Variants in ELN observed in about 807,000 individuals in gnomAD.
ELN encodes the protein elastin, also known as tropoelastin.
ELN carries 65 observed loss-of-function variants against 105.8 expected under a neutral mutation model. That is an observed-to-expected ratio of 0.61 (90% CI 0.50 to 0.75). ELN has a LOEUF of 0.75. Among genes scored for constraint, ELN ranks in the 30% least tolerant of loss-of-function variants. The pLI is 0.00. For missense variants in ELN, 882 were observed against 969.4 expected (o/e 0.91, Z 1.20); for synonymous variants, 368 against 389.2 (o/e 0.95, Z 0.64).
intron 10 of ELN, among the ~76,000 whole-genome samples, chr7:74,045,604 A>G (rs1432294720): frequency 6.6e-6 from 1 of 152,084 alleles, no homozygotes; most frequent in Non-Finnish European, 1.5e-5. Flanking sequence ...TTAGCCGGAC[A>G]TGGTCACACA....
At position 74,061,134 on chromosome 7, in the gene ELN, A is replaced by G. The variant is rs782679448; in HGVS notation, c.1781A>G (p.Lys594Arg). Residue 594 changes from lysine (K) to arginine (R), a missense_variant, in exon 26 of 33, where the codon AAA (lysine) becomes AGA (arginine). Coordinates refer to ENST00000252034, the MANE Select transcript of ELN (RefSeq NM_000501.4). ...GCCCTGGCTGCCGCTAAAGCAGCCA[A>G]ATATGGTGAGTGCACCCCACAACCA... Reference protein sequence around the residue: ...PGALAAAKAAKYGAAVPGVLG... With the variant: ...PGALAAAKAARYGAAVPGVLG... 9.3e-6 allele frequency: 15 copies of G among 1,614,152 alleles called. No homozygotes were observed. Among genetic ancestry groups the G allele is most frequent in the Non-Finnish European group, 1.2e-5 (14 of 1,180,036 alleles).
intron 19 of ELN, 103 bp downstream of exon 19, chr7:74,054,872 C>T: frequency 7.5e-7 from 1 of 1,334,526 alleles, no homozygotes; most frequent in Non-Finnish European, 1.1e-6. Flanking sequence ...GTGACTTGCC[C>T]AAGGTCACCG....
chr7:74,053,351 T>C, intron 18 of ELN, 42 bp downstream of exon 18: 1 of 1,603,292 alleles, frequency 6.2e-7, no homozygotes, highest in African/African-American at 1.3e-5. Context: ...TGTGTGTGTG[T>C]GTGTGTGTAT....
chr7:74,056,599 G>A, intron 20 of ELN, 73 bp from the exon 21 acceptor site: 1 of 1,611,620 alleles, frequency 6.2e-7, no homozygotes, highest in East Asian at 2.2e-5. Context: ...CAGGGCAGAA[G>A]AGCTTTAAAC....
At chr7:74,067,888 ACT>A (rs1798298335) in intron 32 of ELN, among the ~76,000 whole-genome samples, 1 of 137,956 alleles carries the variant, frequency 7.2e-6, no homozygotes, top group African/African-American at 2.8e-5. Flanking sequence ...AGACTACACC[ACT>A]GCCCTCTAGC....
intron 26 of ELN, chr7:74,062,093 A>G (rs1796814176): frequency 2.6e-5 from 4 of 152,332 alleles, no homozygotes; most frequent in Admixed American, 2.6e-4. Flanking sequence ...GGCCAGACCC[A>G]CGCTGTCTGT....
intron 29 of ELN, among the ~76,000 whole-genome samples, chr7:74,064,285 G>T (rs1264244832): frequency 3.3e-5 from 5 of 151,590 alleles, no homozygotes; most frequent in Non-Finnish European, 5.9e-5. Flanking sequence ...CGTGGTGGCA[G>T]ACGCCTGTAG....
At position 74,051,933 on chromosome 7, in the gene ELN, C is replaced by G; in HGVS notation, c.899C>G (p.Thr300Ser). The change falls in exon 17 of 33, where the codon ACT (threonine) becomes AGT (serine). Residue 300 changes from threonine to serine, a missense_variant. Coordinates refer to ENST00000252034, the MANE Select transcript of ELN (RefSeq NM_000501.4). ...PGIGGIAGVG[T>S]PAAAAAAAAA... is the part of the protein sequence containing the mutation. ...GTGGCTGTGTTTTCAGGCGTTGGGACTCCAGCTGCAGCTGCAGCTGCAGCA... is the reference window on the plus strand; with the variant it reads ...GTGGCTGTGTTTTCAGGCGTTGGGAGTCCAGCTGCAGCTGCAGCTGCAGCA... 1.2e-6 allele frequency: 2 copies of G among 1,613,798 alleles called. No homozygotes were observed. The highest frequency in any genetic ancestry group is 1.7e-6 in the Non-Finnish European group (2 of 1,180,020).
At chr7:74,036,310 T>C (rs903519853) in intron 2 of ELN, among the ~76,000 whole-genome samples, 1 of 151,322 alleles carries the variant, frequency 6.6e-6, no homozygotes, top group African/African-American at 2.4e-5. Flanking sequence ...AATTAAAAAA[T>C]TAAAAAAAGC....
At chr7:74,040,761 G>A (rs1242722819) in intron 4 of ELN, among the ~76,000 whole-genome samples, 2 of 152,110 alleles carry the variant, frequency 1.3e-5, no homozygotes, top group African/African-American at 4.8e-5. Context: ...TGGGCTGCAG[G>A]GCAGGCTGGA....
chr7:74,064,372 G>A (rs533412804), intron 29 of ELN, among the ~76,000 whole-genome samples: 16 of 149,716 alleles, frequency 1.1e-4, no homozygotes, highest in South Asian at 2.1e-4. Flanking sequence ...CCGAGATCGC[G>A]CCACTGCACT....
chr7:74,066,135 AT>A, intron 31 of ELN, 138 bp downstream of exon 31: 2 of 1,256,680 alleles, frequency 1.6e-6, no homozygotes, highest in Non-Finnish European at 2.3e-6. Flanking sequence ...GCACTTTAGG[AT>A]TGCAGATGTA....
At position 74,061,138 on chromosome 7, in the gene ELN, T is replaced by C. The variant is rs727503033; in HGVS notation, c.1785T>C (p.Tyr595=). Residue 595 remains tyrosine, a splice_region_variant and synonymous_variant, in exon 26 of 33, where the codon TAT becomes TAC. Coordinates refer to ENST00000252034, the MANE Select transcript of ELN (RefSeq NM_000501.4). ...GALAAAKAAK[Y]GAAVPGVLGG... is the part of the protein sequence containing the mutation. ...TGGCTGCCGCTAAAGCAGCCAAATATGGTGAGTGCACCCCACAACCACTTG... is the reference window on the plus strand; with the variant it reads ...TGGCTGCCGCTAAAGCAGCCAAATACGGTGAGTGCACCCCACAACCACTTG... 5.6e-6 allele frequency: 9 copies of C among 1,614,024 alleles called. No individual in the cohort carries two copies. Among genetic ancestry groups the C allele is most frequent in the Non-Finnish European group, 7.6e-6 (9 of 1,180,044 alleles).
At position 74,041,239 on chromosome 7, in the gene ELN, G is replaced by A. The variant is rs782288147; in HGVS notation, c.220G>A (p.Gly74Ser). 4 of 1,614,058 alleles carry A rather than the reference G, an allele frequency of 2.5e-6. No individual in the cohort carries two copies. In the South Asian group the frequency reaches 4.4e-5, roughly 18 times the overall value. Residue 74 changes from glycine (G) to serine (S), a missense_variant, in exon 5 of 33, where the codon GGC (glycine) becomes AGC (serine). By Grantham distance (56) the Gly-to-Ser change is moderately conservative. Coordinates refer to ENST00000252034, the MANE Select transcript of ELN (RefSeq NM_000501.4). Reference sequence around the variant, plus strand: ...AGTTCCCGGAGGGCTTGCGGGTGCTGGCCTTGGGGCAGGTGAGTGCTGACA... The same window carrying A: ...AGTTCCCGGAGGGCTTGCGGGTGCTAGCCTTGGGGCAGGTGAGTGCTGACA... Reference protein sequence around the residue: ...KPVPGGLAGAGLGAGLGAFPA... With the variant: ...KPVPGGLAGASLGAGLGAFPA...
intron 18 of ELN, among the ~76,000 whole-genome samples, chr7:74,053,728 GTGGA>G (rs1210433634): frequency 4.0e-5 from 6 of 150,700 alleles, no homozygotes; most frequent in Non-Finnish European, 5.9e-5. Flanking sequence ...GGATGGGTGG[GTGGA>G]TGGATGGATG....
Position 74,066,003 on chromosome 7 carries a change from G to T in ELN, c.2086+6G>T, listed in dbSNP as rs1554688983. On this transcript the variant is annotated splice_donor_region_variant and intron_variant, in intron 31 of 32. Coordinates refer to ENST00000252034, the MANE Select transcript of ELN (RefSeq NM_000501.4). ...CGGGCAGTTCCCACTTGGAGGTAGG[G>T]GTGGCCAGCTCTGCTACGTAGTCCT... is the stretch of plus-strand genomic sequence containing the variant. The T allele has an allele frequency of 6.2e-7, 1 of 1,613,980 alleles. No individual in the cohort carries two copies. Among genetic ancestry groups the T allele is most frequent in the Admixed American group, 1.7e-5 (1 of 59,992 alleles).
chr7:74,028,250 C>T lies in ELN; in HGVS notation c.63C>T (p.Leu21=), dbSNP rs1554660083. ...PGVLLLLLSI[L]HPSRPGGVPG... is the part of the protein sequence containing the mutation. Reference sequence around the variant, plus strand: ...TCCTCCTGCTCCTGCTGTCCATCCTCCACCCCTCTCGGCCTGGAGGTAAGG... The same window carrying T: ...TCCTCCTGCTCCTGCTGTCCATCCTTCACCCCTCTCGGCCTGGAGGTAAGG... The change falls in exon 1 of 33, where the codon CTC becomes CTT. Residue 21 remains leucine, a synonymous_variant. Coordinates refer to ENST00000252034, the MANE Select transcript of ELN (RefSeq NM_000501.4). 3.7e-6 allele frequency: 6 copies of T among 1,609,734 alleles called. 1 individual carries two copies. In the South Asian group the frequency reaches 6.6e-5, roughly 18 times the overall value.
intron 12 of ELN, 44 bp from the exon 13 acceptor site, chr7:74,047,631 C>A (rs1792882142): frequency 6.2e-7 from 1 of 1,613,712 alleles, no homozygotes; most frequent in South Asian, 1.1e-5. Context: ...GGGAGCCCAG[C>A]AAGGCATGGG....
At chr7:74,042,575 G>C (rs782775967) in intron 5 of ELN, 39 bp from the exon 6 acceptor site, 1 of 1,592,426 alleles carries the variant, frequency 6.3e-7, no homozygotes, top group Non-Finnish European at 8.6e-7. Context: ...CTTCATAGGT[G>C]TGGTAGCTCA....
Sources: gnomAD v4.1 joint callset for allele counts (sites outside exome capture counted in the v4.1 genomes callset) on GRCh38, gnomAD v4.1.1 for gene constraint, MANE v1.5 for transcripts, NCBI Gene and HGNC (gene_info 2026-07-23, HGNC 2026-07-21) for gene names.